Variants in TRPC3 observed in about 807,000 individuals in gnomAD.
The protein encoded by TRPC3 is transient receptor potential cation channel subfamily C member 3.
In TRPC3, 54 loss-of-function variants were observed where a neutral mutation model predicts 90.9. That is an observed-to-expected ratio of 0.59 (90% confidence interval 0.48 to 0.75). TRPC3 has a LOEUF of 0.75. TRPC3 is among the 30% of genes least tolerant of loss of function. The pLI is 0.00. For synonymous variants in TRPC3, 424 were observed against 450.9 expected, an observed-to-expected ratio of 0.94 and a Z score of 0.75; for missense variants, 918 against 1,194.5, an observed-to-expected ratio of 0.77 and a Z score of 3.41.
chr4:121,900,775 A>T (rs969843941), intron 9 of TRPC3, among the ~76,000 whole-genome samples: 38 of 152,250 alleles, frequency 2.5e-4, no homozygotes, highest in Non-Finnish European at 2.9e-4. Flanking sequence ...CAAAATTTTT[A>T]AAAATGAAAT....
chr4:121,894,504 A>G lies in TRPC3; in HGVS notation c.2547+5108T>C, dbSNP rs1260503447. ...TAAACTACACCAAGACCAATGGACC[A>G]AAAATATATTTACAGAACATTTTAC... On this transcript the variant is annotated intron_variant, in intron 10 of 11. Coordinates refer to ENST00000379645, the MANE Select transcript of TRPC3 (RefSeq NM_001130698.2). Among the ~76,000 whole-genome samples, 9 of 151,782 alleles carry G rather than the reference A, an allele frequency of 5.9e-5. No individual in the cohort carries two copies. The East Asian group carries it at 1.5e-3, about 26-fold the overall frequency.
chr4:121,945,478 C>A (rs1443827945), intron 1 of TRPC3, among the ~76,000 whole-genome samples: 2 of 152,102 alleles, frequency 1.3e-5, no homozygotes, highest in African/African-American at 4.8e-5. Context: ...AATAGTAAAT[C>A]ATTTAGTGGA....
intron 1 of TRPC3, among the ~76,000 whole-genome samples, chr4:121,940,561 T>G (rs1390785622): frequency 6.6e-6 from 1 of 152,210 alleles, no homozygotes; most frequent in Non-Finnish European, 1.5e-5. Flanking sequence ...CTTTGCCAAT[T>G]CAAATCCTTC....
At chr4:121,944,511 G>A (rs1046187578) in intron 1 of TRPC3, among the ~76,000 whole-genome samples, 2 of 152,002 alleles carry the variant, frequency 1.3e-5, no homozygotes, top group African/African-American at 4.8e-5. Context: ...GAGAGGGACA[G>A]AAAAGCACAG....
intron 7 of TRPC3, 80 bp from the exon 8 acceptor site, chr4:121,904,597 G>A (rs1425589640): frequency 9.5e-7 from 1 of 1,055,000 alleles, no homozygotes; most frequent in East Asian, 2.7e-5. Flanking sequence ...ACAAGTTAGG[G>A]TTTAACTACT....
At chr4:121,901,962 A>G (rs1728720237) in intron 9 of TRPC3, among the ~76,000 whole-genome samples, 1 of 152,236 alleles carries the variant, frequency 6.6e-6, no homozygotes, top group African/African-American at 2.4e-5. Context: ...CTTAAAGAAT[A>G]CAATTCTTGA....
intron 2 of TRPC3, chr4:121,930,927 T>C (rs976617826): frequency 3.9e-6 from 1 of 253,250 alleles, no homozygotes; most frequent in Non-Finnish European, 7.7e-6. Flanking sequence ...AGATATAAGG[T>C]AAGACTTACT....
chr4:121,883,822 T>G (rs1728021540), intron 10 of TRPC3, among the ~76,000 whole-genome samples: 1 of 152,162 alleles, frequency 6.6e-6, no homozygotes, highest in South Asian at 2.1e-4. Context: ...TCCTCCTGCC[T>G]CAGCCTCTCA....
At chr4:121,881,661 C>A (rs570087496) in intron 11 of TRPC3, among the ~76,000 whole-genome samples, 5 of 152,144 alleles carry the variant, frequency 3.3e-5, no homozygotes, top group Admixed American at 6.5e-5. Flanking sequence ...CCTCTTTTAT[C>A]AGTGTAGATA....
At chr4:121,911,547 G>T (rs1178543540) in intron 5 of TRPC3, among the ~76,000 whole-genome samples, 1 of 152,120 alleles carries the variant, frequency 6.6e-6, no homozygotes, top group Admixed American at 6.5e-5. Flanking sequence ...TAGCCATTGG[G>T]TTATTTCATA....
At chr4:121,916,895 A>G (rs554030183) in intron 3 of TRPC3, among the ~76,000 whole-genome samples, 1 of 151,954 alleles carries the variant, frequency 6.6e-6, no homozygotes, top group Admixed American at 6.6e-5. Flanking sequence ...TTGTATTTTT[A>G]GTAGAGACGG....
chr4:121,942,564 G>A (rs543806266), intron 1 of TRPC3, among the ~76,000 whole-genome samples: 1 of 152,262 alleles, frequency 6.6e-6, no homozygotes, highest in East Asian at 1.9e-4. Context: ...ACGAGACCCT[G>A]TCTCAAAAAA....
chr4:121,892,352 T>C (rs1728359938), intron 10 of TRPC3, among the ~76,000 whole-genome samples: 1 of 152,216 alleles, frequency 6.6e-6, no homozygotes, highest in East Asian at 1.9e-4. Flanking sequence ...TGCAGATAGG[T>C]GGTTTGTGCA....
chr4:121,876,280 C>T lies in TRPC3; in HGVS notation c.*3456G>A, dbSNP rs1227671644. ...CTGGACAACATAGTGAGACCCGCCT[C>T]TAAAAATGTATTTTAAAAACTTTAT... On this transcript the variant is annotated 3_prime_UTR_variant, in exon 12 of 12. Transcript: ENST00000379645. Among the ~76,000 whole-genome samples the T allele has an allele frequency of 6.6e-6, 1 of 151,990 alleles. No individual in the cohort carries two copies. Among genetic ancestry groups the T allele is most frequent in the African/African-American group, 2.4e-5 (1 of 41,390 alleles).
chr4:121,907,694 G>T lies in TRPC3; in HGVS notation c.1793-127C>A, dbSNP rs969563484. On this transcript the variant is annotated intron_variant, in intron 6 of 11. Transcript: ENST00000379645. ...TACCATCTCAGTTGAAACTAATCTA[G>T]ATTTAATTAACTGTCCAGGGACTAT... 1.1e-5 allele frequency: 11 copies of T among 1,001,876 alleles called. No individual in the cohort carries two copies. In the East Asian group the frequency reaches 2.3e-4, roughly 21 times the overall value. The allele number at this position is 1,001,876 out of a possible 1,614,324, so 62.1% of individuals were successfully genotyped here.
intron 1 of TRPC3, among the ~76,000 whole-genome samples, chr4:121,942,668 T>A (rs1730360631): frequency 6.6e-6 from 1 of 152,258 alleles, no homozygotes; most frequent in African/African-American, 2.4e-5. Context: ...GAAGCTGTTG[T>A]GTATTTAAGG....
intron 1 of TRPC3, among the ~76,000 whole-genome samples, chr4:121,941,727 C>T (rs948559086): frequency 6.6e-6 from 1 of 152,188 alleles, no homozygotes. Flanking sequence ...GACATTTACA[C>T]AATAGGCTTA....
Position 121,877,503 on chromosome 4 carries a change from T to G in TRPC3, c.*2233A>C, listed in dbSNP as rs1727795698. On this transcript the variant is annotated 3_prime_UTR_variant, in exon 12 of 12. Transcript: ENST00000379645. Reference sequence around the variant, plus strand: ...TCACATCCCGAGCAAGGCTTCTTCTTTTTAGCTGAGGGCAATTCTCCAGGG... The same window carrying G: ...TCACATCCCGAGCAAGGCTTCTTCTGTTTAGCTGAGGGCAATTCTCCAGGG... Among the ~76,000 whole-genome samples, 1 of 152,052 alleles carries G rather than the reference T, an allele frequency of 6.6e-6. No homozygotes were observed. Among genetic ancestry groups the G allele is most frequent in the Non-Finnish European group, 1.5e-5 (1 of 67,992 alleles).
chr4:121,936,110 T>G (rs1023106421), intron 1 of TRPC3, among the ~76,000 whole-genome samples: 3 of 152,228 alleles, frequency 2.0e-5, no homozygotes, highest in Non-Finnish European at 4.4e-5. Context: ...ATAAAAGAGC[T>G]GACTTAATAT....
Sources: allele counts gnomAD v4.1 joint callset (sites outside exome capture counted in the v4.1 genomes callset), GRCh38; gene constraint gnomAD v4.1.1; transcripts MANE v1.5; gene names NCBI Gene and HGNC (gene_info 2026-07-23, HGNC 2026-07-21).